The following ZNF600 variants were observed in gnomAD, a reference collection of about 807,000 sequenced individuals.
ZNF600 encodes zinc finger protein 600.
In ZNF600, 4 loss-of-function variants were observed where a neutral mutation model predicts 7.3. That is an observed-to-expected ratio of 0.55 (90% CI 0.27 to 1.25). ZNF600 has a LOEUF of 1.25. ZNF600 is among the 50% of genes most tolerant of loss of function. The probability of loss-of-function intolerance (pLI) is 0.12; values close to 1 mark genes in which losing one functional copy is unlikely to be tolerated. For missense variants in ZNF600, 911 were observed against 922.1 expected (o/e 0.99, Z 0.16); for synonymous variants, 290 against 308.9 (o/e 0.94, Z 0.64).
chr19:52,815,803 C>G, the ZNF600 span, among the ~76,000 whole-genome samples: 3 of 145,738 alleles, frequency 2.1e-5, no homozygotes, highest in Admixed American at 2.1e-4. Context: ...CCAGCCTGGG[C>G]GACAGAGCGA....
intron 3 of ZNF600, among the ~76,000 whole-genome samples, chr19:52,769,569 C>A (rs1031599362): frequency 6.6e-6 from 1 of 152,126 alleles, no homozygotes; most frequent in Non-Finnish European, 1.5e-5. Context: ...TAAATATCAG[C>A]GCAGCCTGGC....
upstream of ZNF600, among the ~76,000 whole-genome samples, chr19:52,789,739 T>TAA (rs1275442731): frequency 4.0e-5 from 6 of 151,678 alleles, no homozygotes; most frequent in Non-Finnish European, 7.4e-5. Flanking sequence ...ACAACAAAAT[T>TAA]AAAAAAAATA....
chr19:52,825,587 C>T, the ZNF600 span, among the ~76,000 whole-genome samples: 6 of 152,068 alleles, frequency 3.9e-5, no homozygotes, highest in Middle Eastern at 3.2e-3. Flanking sequence ...GCTAGAGAAT[C>T]ATTTGAACCC....
At chr19:52,791,984 G>GCGC in the ZNF600 span, among the ~76,000 whole-genome samples, 1 of 152,230 alleles carries the variant, frequency 6.6e-6, no homozygotes, top group South Asian at 2.1e-4. Flanking sequence ...ACAAGCACCT[G>GCGC]CGCCACTGCA....
chr19:52,832,581 C>T, the ZNF600 span, among the ~76,000 whole-genome samples: 5 of 151,932 alleles, frequency 3.3e-5, no homozygotes, highest in African/African-American at 9.7e-5. Context: ...GGCAATAGAG[C>T]GAGACTCCAT....
chr19:52,787,932 G>C (rs1413576464), upstream of ZNF600, among the ~76,000 whole-genome samples: 1 of 151,336 alleles, frequency 6.6e-6, no homozygotes, highest in Admixed American at 6.6e-5. Flanking sequence ...GAATTTACCA[G>C]ATACCAGTAC....
At chr19:52,800,952 G>A in the ZNF600 span, 2 of 1,614,164 alleles carry the variant, frequency 1.2e-6, no homozygotes, top group East Asian at 2.2e-5. Flanking sequence ...ACATTCATAA[G>A]GTTTGTCTGC....
At chr19:52,822,990 A>AGAC in the ZNF600 span, among the ~76,000 whole-genome samples, 1 of 152,186 alleles carries the variant, frequency 6.6e-6, no homozygotes, top group East Asian at 1.9e-4. Context: ...ACACAGGGAA[A>AGAC]GACAGAGAAG....
At chr19:52,784,242 AAAG>A (rs2062746677) in intron 1 of ZNF600, among the ~76,000 whole-genome samples, 1 of 151,902 alleles carries the variant, frequency 6.6e-6, no homozygotes, top group African/African-American at 2.4e-5. Context: ...ACAAACAAAC[AAAG>A]AAAAAAAACA....
the ZNF600 span, chr19:52,810,525 C>G: frequency 6.3e-7 from 1 of 1,596,122 alleles, no homozygotes; most frequent in South Asian, 1.1e-5. Flanking sequence ...AAGGTGATCC[C>G]AAAGCGAACC....
At chr19:52,790,586 T>C (rs2062788599), upstream of ZNF600, among the ~76,000 whole-genome samples, 1 of 152,118 alleles carries the variant, frequency 6.6e-6, no homozygotes, top group Non-Finnish European at 1.5e-5. Flanking sequence ...AAGTCGGAAT[T>C]ACTTGAACCT....
chr19:52,785,862 CTT>C (rs888037898), intron 1 of ZNF600, among the ~76,000 whole-genome samples: 51 of 152,284 alleles, frequency 3.3e-4, no homozygotes, highest in African/African-American at 1.2e-3. Context: ...TGTCCTTCAT[CTT>C]TCTGTACATC....
At chr19:52,806,172 G>C in the ZNF600 span, among the ~76,000 whole-genome samples, 2,967 of 144,312 alleles carry the variant, frequency 0.021, 115 homozygotes, top group African/African-American at 0.071. Flanking sequence ...AGAAGAAGAA[G>C]TCATTTTTGC....
the ZNF600 span, chr19:52,817,850 A>G: frequency 6.3e-7 from 1 of 1,590,078 alleles, no homozygotes; most frequent in South Asian, 1.1e-5. Context: ...CATATCAGGC[A>G]GGACACTTCA....
chr19:52,795,172 T>A, the ZNF600 span, among the ~76,000 whole-genome samples: 1 of 152,170 alleles, frequency 6.6e-6, no homozygotes, highest in African/African-American at 2.4e-5. Context: ...CCAGAGGAAC[T>A]TGAAGGGAAC....
At chr19:52,765,417 C>T (rs2062560786) in exon 4 of ZNF600, 6 of 1,086,960 alleles carry the variant, frequency 5.5e-6, no homozygotes, top group Non-Finnish European at 8.5e-6. Context: ...ACAGTCATGA[C>T]ATTTGTAAGG....
In ZNF600 at chr19:52,776,857, G is replaced by A. The variant is rs143376251; in HGVS notation, c.63+1969C>T. Among the ~76,000 whole-genome samples the A allele has an allele frequency of 3.5e-3, 539 of 152,116 alleles. 2 individuals are homozygous for A. Among genetic ancestry groups the A allele is most frequent in the African/African-American group, 0.012 (517 of 41,502 alleles). ...CACATCACATCACGGCGTTACCCAC[G>A]TGGTGGCCCACCTCTAATCCAAGCT... On this transcript the variant is annotated intron_variant, in intron 2 of 3. Coordinates refer to ENST00000648973, the Ensembl canonical transcript of ZNF600.
chr19:52,765,539 A>AT, exon 4 of ZNF600: 1 of 1,612,614 alleles, frequency 6.2e-7, no homozygotes, highest in Non-Finnish European at 8.5e-7. Flanking sequence ...TTCTCCAATG[A>AT]TTTGCAATGG....
intron 2 of ZNF600, among the ~76,000 whole-genome samples, chr19:52,777,282 G>A (rs2062683752): frequency 6.6e-6 from 1 of 152,192 alleles, no homozygotes; most frequent in African/African-American, 2.4e-5. Context: ...GGAGGCTGAG[G>A]CAAAAGAATT....
Sources: gnomAD v4.1 joint callset for allele counts (sites outside exome capture counted in the v4.1 genomes callset) on GRCh38, gnomAD v4.1.1 for gene constraint, MANE v1.5 for transcripts, NCBI Gene and HGNC (gene_info 2026-07-23, HGNC 2026-07-21) for gene names.